Variants in LAMA2 observed in about 807,000 individuals in gnomAD.
LAMA2 encodes the protein laminin subunit alpha-2.
In LAMA2, 269 loss-of-function variants were observed where a neutral mutation model predicts 364.8. The ratio of observed to expected loss-of-function variants is 0.74; its 90% CI spans 0.67 to 0.82. LAMA2 has a LOEUF of 0.82. LAMA2 is among the 40% of genes least tolerant of loss of function. LAMA2 has a pLI of 0.00. For synonymous variants in LAMA2, 1,379 were observed against 1,370.6 expected, an observed-to-expected ratio of 1.01 and a Z score of -0.14; for missense variants, 3,807 against 3,873.2, an observed-to-expected ratio of 0.98 and a Z score of 0.45.
intron 4 of LAMA2, among the ~76,000 whole-genome samples, chr6:129,111,514 A>T (rs758285861): frequency 6.6e-6 from 1 of 151,966 alleles, no homozygotes; most frequent in Non-Finnish European, 1.5e-5. Context: ...TACTACTATT[A>T]TGTTGAGCCA....
At chr6:129,302,696 T>C (rs192704212) in intron 22 of LAMA2, among the ~76,000 whole-genome samples, 2 of 152,108 alleles carry the variant, frequency 1.3e-5, no homozygotes, top group African/African-American at 4.8e-5. Context: ...ACCCAATTTT[T>C]CAAACATTAT....
intron 21 of LAMA2, among the ~76,000 whole-genome samples, chr6:129,300,231 T>G (rs188180079): frequency 6.6e-6 from 1 of 152,290 alleles, no homozygotes; most frequent in Admixed American, 6.5e-5. Flanking sequence ...ATTTGCAAAA[T>G]TGGATTATTC....
chr6:129,325,533 G>GTTTT (rs201833533), intron 28 of LAMA2, among the ~76,000 whole-genome samples: 1 of 145,160 alleles, frequency 6.9e-6, no homozygotes. Flanking sequence ...GAGAATTTCT[G>GTTTT]TTTTTTTTTT....
At chr6:129,145,476 C>T (rs1467706619) in intron 5 of LAMA2, among the ~76,000 whole-genome samples, 2 of 151,896 alleles carry the variant, frequency 1.3e-5, no homozygotes, top group African/African-American at 2.4e-5. Flanking sequence ...AAAACATTTT[C>T]AATTCTAATT....
intron 1 of LAMA2, among the ~76,000 whole-genome samples, chr6:128,971,579 CAG>C (rs1782187442): frequency 1.3e-5 from 2 of 152,054 alleles, no homozygotes; most frequent in South Asian, 4.1e-4. Flanking sequence ...ATCTTCCAGG[CAG>C]AGTGTCTAGA....
At chr6:129,276,081 A>T (rs1288702555) in intron 17 of LAMA2, among the ~76,000 whole-genome samples, 3 of 152,114 alleles carry the variant, frequency 2.0e-5, no homozygotes, top group Non-Finnish European at 4.4e-5. Context: ...TGACGCTAAC[A>T]CCAAAATCAT....
rs183534471 is a variant in LAMA2, at chr6:129,295,450, G to A, written c.2857-2235G>A. Among the ~76,000 whole-genome samples, 123 of 152,046 alleles carry A rather than the reference G, an allele frequency of 8.1e-4. 1 individual carries two copies. Among genetic ancestry groups the A allele is most frequent in the African/African-American group, 2.8e-3 (117 of 41,392 alleles). On this transcript the variant is annotated intron_variant, in intron 20 of 64. Coordinates refer to ENST00000421865, the MANE Select transcript of LAMA2 (RefSeq NM_000426.4). ...TTAATCTCAATTACTGACCATGAAT[G>A]TCTGCTCCTTAAGTTTGTTTACTAG...
Position 129,059,878 on chromosome 6 carries a change from T to G in LAMA2, c.378T>G (p.Ile126Met). The change falls in exon 3 of 65, where the codon ATT becomes ATG. Residue 126 changes from isoleucine to methionine, a missense_variant. This residue lies in a region of LAMA2 where 394 missense variants were observed against 403.5 expected (regional missense o/e 0.98). Coordinates refer to ENST00000421865, the MANE Select transcript of LAMA2 (RefSeq NM_000426.4). ...GAATCGAATACCATTATGTGACAAT[T>G]ACCCTGGATTTACAGCAGGTATAGT... ...KNGIEYHYVT[I>M]TLDLQQVFQI... 2 of 1,578,522 alleles carry G rather than the reference T, an allele frequency of 1.3e-6. No individual in the cohort carries two copies. Among genetic ancestry groups the G allele is most frequent in the Non-Finnish European group, 1.7e-6 (2 of 1,147,470 alleles).
chr6:129,391,585 C>T lies in LAMA2; in HGVS notation c.5166C>T (p.Asp1722=), dbSNP rs1779324345. ...TGGAAGGGCTTCAGAAAGAGATTGACCAGATGATTAAAGAACTGAGGAGGA... is the reference window on the plus strand; with the variant it reads ...TGGAAGGGCTTCAGAAAGAGATTGATCAGATGATTAAAGAACTGAGGAGGA... The part of the protein sequence containing the change: ...RNLEGLQKEI[D]QMIKELRRKN... Residue 1722 remains aspartate, a synonymous_variant, in exon 36 of 65, where the codon GAC becomes GAT. Coordinates refer to ENST00000421865, the MANE Select transcript of LAMA2 (RefSeq NM_000426.4). The T allele has an allele frequency of 6.2e-7, 1 of 1,613,470 alleles. No homozygotes were observed. Among genetic ancestry groups the T allele is most frequent in the Non-Finnish European group, 8.5e-7 (1 of 1,179,530 alleles).
In LAMA2 at chr6:129,427,850, A is replaced by G. The variant is rs1781399926; in HGVS notation, c.5964A>G (p.Val1988=). The G allele has an allele frequency of 1.9e-6, 3 of 1,603,424 alleles. No individual in the cohort carries two copies. Among genetic ancestry groups the G allele is most frequent in the East Asian group, 2.2e-5 (1 of 44,828 alleles). ...LNEAKKLAND[V]KENEDHLNGL... is the part of the protein sequence containing the mutation. ...AAGCCAAGAAGTTAGCAAATGATGT[A>G]AAAGGTCAGTGTGGCCATAGTTTTT... Residue 1988 remains valine (V), a synonymous_variant, in exon 41 of 65, where the codon GTA becomes GTG. Transcript: ENST00000421865.
At chr6:129,155,239 T>A (rs1034157251) in intron 8 of LAMA2, among the ~76,000 whole-genome samples, 1 of 152,194 alleles carries the variant, frequency 6.6e-6, no homozygotes, top group Admixed American at 6.5e-5. Context: ...TTATTTACCT[T>A]GTGTAAATAC....
In LAMA2 at chr6:129,154,135, C is replaced by T. The variant is rs534929200; in HGVS notation, c.1028-370C>T. ...TCCCGTATGGTATAAAAGTCTAGGC[C>T]GGGGGCAGTGGCTCACGCCTGTAAT... On this transcript the variant is annotated intron_variant, in intron 7 of 64. Transcript: ENST00000421865. Among the ~76,000 whole-genome samples, 14 of 152,148 alleles carry T rather than the reference C, an allele frequency of 9.2e-5. No homozygotes were observed. The South Asian group carries it at 1.9e-3, about 20-fold the overall frequency.
intron 48 of LAMA2, 79 bp from the exon 49 acceptor site, chr6:129,460,121 T>G (rs1469487504): frequency 1.5e-6 from 2 of 1,329,674 alleles, no homozygotes; most frequent in African/African-American, 1.4e-5. Context: ...TAGTTTCTGC[T>G]GATAATAACT....
chr6:128,987,146 T>G (rs866663256), intron 1 of LAMA2, among the ~76,000 whole-genome samples: 3,424 of 144,802 alleles, frequency 0.024, 122 homozygotes, highest in African/African-American at 0.08. Flanking sequence ...TTTTGTTTTT[T>G]TTTTTTTTTT....
chr6:129,227,913 C>G (rs1477195138), intron 12 of LAMA2, among the ~76,000 whole-genome samples: 4 of 152,188 alleles, frequency 2.6e-5, no homozygotes. Context: ...TCGGCTATGT[C>G]CTACTCCCAG....
intron 22 of LAMA2, among the ~76,000 whole-genome samples, chr6:129,308,205 TAGAA>T (rs1406376602): frequency 2.6e-5 from 4 of 152,230 alleles, no homozygotes; most frequent in Non-Finnish European, 4.4e-5. Flanking sequence ...GCTACATTTT[TAGAA>T]AGAAATCAAA....
chr6:129,228,222 G>A (rs555035256), intron 12 of LAMA2, among the ~76,000 whole-genome samples: 77 of 152,252 alleles, frequency 5.1e-4, no homozygotes, highest in African/African-American at 1.8e-3. Flanking sequence ...TCCAGGTGCC[G>A]TCTGTCACAG....
intron 19 of LAMA2, among the ~76,000 whole-genome samples, chr6:129,291,217 C>T (rs1789672139): frequency 6.6e-6 from 1 of 152,146 alleles, no homozygotes. Flanking sequence ...AGAACTAAAA[C>T]AGCGTTACAC....
intron 27 of LAMA2, among the ~76,000 whole-genome samples, chr6:129,317,674 G>A (rs775121556): frequency 6.6e-6 from 1 of 152,070 alleles, no homozygotes; most frequent in South Asian, 2.1e-4. Context: ...AAATTAGGTG[G>A]CAGAAGCCAT....
Sources: gnomAD v4.1 joint callset for allele counts (sites outside exome capture counted in the v4.1 genomes callset) on GRCh38, gnomAD v4.1.1 for gene constraint, gnomAD v4.1.1 regional missense constraint, MANE v1.5 for transcripts, NCBI Gene and HGNC (gene_info 2026-07-23, HGNC 2026-07-21) for gene names.